MGMT: variants seen among roughly 807,000 people sequenced by gnomAD.
MGMT encodes the protein O-6-methylguanine-DNA methyltransferase.
MGMT carries 14 observed loss-of-function variants against 15.9 expected under a neutral mutation model. The ratio of observed to expected loss-of-function variants is 0.88; its 90% CI spans 0.58 to 1.37. MGMT has a LOEUF of 1.37. MGMT is among the 40% of genes most tolerant of loss of function. The pLI is 0.00. For synonymous variants in MGMT, 130 were observed against 118.2 expected (o/e 1.10, Z -0.65); for missense variants, 282 against 268.1 (o/e 1.05, Z -0.36).
At chr10:129,561,574 T>C (rs144976995) in intron 2 of MGMT, among the ~76,000 whole-genome samples, 3 of 152,216 alleles carry the variant, frequency 2.0e-5, no homozygotes, top group Non-Finnish European at 4.4e-5. Context: ...CAAGGTGATA[T>C]CTTGTCTGAT....
intron 2 of MGMT, among the ~76,000 whole-genome samples, chr10:129,623,928 ATC>A (rs1203419312): frequency 6.6e-6 from 1 of 152,242 alleles, no homozygotes; most frequent in African/African-American, 2.4e-5. Context: ...CCATTCTGCC[ATC>A]TCAGCCAAGG....
intron 1 of MGMT, among the ~76,000 whole-genome samples, chr10:129,524,377 G>A (rs1332017408): frequency 2.0e-5 from 3 of 152,128 alleles, no homozygotes; most frequent in Non-Finnish European, 2.9e-5. Context: ...TTTAGCCTGT[G>A]GACGTGTCTC....
chr10:129,699,946 A>G (rs1848077464), intron 2 of MGMT, among the ~76,000 whole-genome samples: 2 of 151,728 alleles, frequency 1.3e-5, no homozygotes, highest in African/African-American at 4.9e-5. Context: ...CTTGTACCAG[A>G]AAGTTTTAAA....
chr10:129,617,944 C>A (rs1291738103), intron 2 of MGMT, among the ~76,000 whole-genome samples: 2 of 150,988 alleles, frequency 1.3e-5, no homozygotes, highest in Non-Finnish European at 2.9e-5. Flanking sequence ...GAGTTTACCC[C>A]CTCCAGCCCA....
chr10:129,593,665 G>A (rs1316662257), intron 2 of MGMT, among the ~76,000 whole-genome samples: 1 of 152,228 alleles, frequency 6.6e-6, no homozygotes, highest in Non-Finnish European at 1.5e-5. Context: ...TGGCTGAGGC[G>A]TAAGTCTCAA....
At chr10:129,593,408 G>A (rs1846712719) in intron 2 of MGMT, among the ~76,000 whole-genome samples, 1 of 152,182 alleles carries the variant, frequency 6.6e-6, no homozygotes, top group South Asian at 2.1e-4. Flanking sequence ...CAGCTCTCTT[G>A]AGCACAGTGT....
chr10:129,574,208 G>C (rs945480001), intron 2 of MGMT, among the ~76,000 whole-genome samples: 2 of 152,088 alleles, frequency 1.3e-5, no homozygotes, highest in African/African-American at 4.8e-5. Flanking sequence ...TGACCTTTTG[G>C]GGAAAAAACT....
Position 129,467,312 on chromosome 10 carries a change from G to T in MGMT, c.-13+16G>T. On this transcript the variant is annotated intron_variant, in intron 1 of 4. Coordinates refer to ENST00000651593, the MANE Select transcript of MGMT (RefSeq NM_002412.5). ...TTGCGACTTGGTGAGTGTCTGGGTC[G>T]CCTCGCTCCCGGAAGAGTGCGGAGC... The T allele has an allele frequency of 3.3e-6, 5 of 1,534,568 alleles. No homozygotes were observed. The highest frequency in any genetic ancestry group is 4.4e-6 in the Non-Finnish European group (5 of 1,141,150).
intron 2 of MGMT, among the ~76,000 whole-genome samples, chr10:129,664,135 A>G (rs1177727139): frequency 1.3e-5 from 2 of 152,224 alleles, no homozygotes; most frequent in Non-Finnish European, 2.9e-5. Context: ...TTCTATGCCC[A>G]GGAATGCAAG....
chr10:129,499,332 C>T (rs532029549), intron 1 of MGMT, among the ~76,000 whole-genome samples: 1 of 152,166 alleles, frequency 6.6e-6, no homozygotes, highest in Non-Finnish European at 1.5e-5. Flanking sequence ...TTACTTATTT[C>T]GTTACTCAGC....
In MGMT at chr10:129,727,652, G is replaced by A. The variant is rs376110036; in HGVS notation, c.274+19609G>A. Among the ~76,000 whole-genome samples, 10 of 152,260 alleles carry A rather than the reference G, an allele frequency of 6.6e-5. No homozygotes were observed. In the East Asian group the frequency reaches 1.2e-3, roughly 18 times the overall value. ...TGTAAAGTACAGACTGTGAAGACCC[G>A]CCCTCTGTTCCTTCCAGCTGTTTTT... On this transcript the variant is annotated intron_variant, in intron 3 of 4. Coordinates refer to ENST00000651593, the MANE Select transcript of MGMT (RefSeq NM_002412.5).
At chr10:129,720,757 A>T (rs1848360652) in intron 3 of MGMT, among the ~76,000 whole-genome samples, 1 of 152,164 alleles carries the variant, frequency 6.6e-6, no homozygotes, top group South Asian at 2.1e-4. Context: ...TGTGACAATG[A>T]ACGAATGAAT....
At chr10:129,624,984 T>G (rs1205096031) in intron 2 of MGMT, among the ~76,000 whole-genome samples, 2 of 152,150 alleles carry the variant, frequency 1.3e-5, no homozygotes, top group Non-Finnish European at 2.9e-5. Flanking sequence ...AGAAATTATG[T>G]CCTTGGAAAG....
intron 1 of MGMT, 65 bp downstream of exon 1, chr10:129,467,361 T>C: frequency 1.4e-6 from 2 of 1,468,686 alleles, no homozygotes; most frequent in Admixed American, 4.7e-5. Flanking sequence ...GGTGGCAGCC[T>C]CGAGTGGTCC....
intron 3 of MGMT, among the ~76,000 whole-genome samples, chr10:129,724,708 TAAAAAC>T (rs1346883619): frequency 3.6e-4 from 55 of 152,140 alleles, no homozygotes; most frequent in Non-Finnish European, 6.2e-4. Context: ...AGATATATGA[TAAAAAC>T]AAATACAGGC....
At chr10:129,599,572 A>G (rs529443551) in intron 2 of MGMT, among the ~76,000 whole-genome samples, 7 of 152,134 alleles carry the variant, frequency 4.6e-5, no homozygotes, top group Non-Finnish European at 8.8e-5. Context: ...TATACAAAGC[A>G]TTTCCAACCA....
At position 129,536,473 on chromosome 10, in the gene MGMT, A is replaced by G; in HGVS notation, c.125+96A>G. 3 of 1,470,648 alleles carry G rather than the reference A, an allele frequency of 2.0e-6. No individual in the cohort carries two copies. The South Asian group carries it at 4.1e-5, about 20-fold the overall frequency. 91.1% of individuals were successfully genotyped at this position (1,470,648 alleles called of 1,614,324 possible). A position where few individuals can be genotyped will look rare whatever the true frequency, so the allele number is the denominator to read the frequency against. On this transcript the variant is annotated intron_variant, in intron 2 of 4. Coordinates refer to ENST00000651593, the MANE Select transcript of MGMT (RefSeq NM_002412.5). Reference sequence around the variant, plus strand: ...CATGTTTTCCATTGATGGCAGGGTAACGCATAGCCTTACCCCCACAACCGC... The same window carrying G: ...CATGTTTTCCATTGATGGCAGGGTAGCGCATAGCCTTACCCCCACAACCGC...
intron 2 of MGMT, among the ~76,000 whole-genome samples, chr10:129,676,576 CAT>C (rs1488767041): frequency 6.6e-6 from 1 of 152,184 alleles, no homozygotes; most frequent in East Asian, 1.9e-4. Flanking sequence ...CTGCACGTGA[CAT>C]GGAGCCTGCA....
chr10:129,486,172 CTTCTCTTT>C (rs749120240), intron 1 of MGMT, among the ~76,000 whole-genome samples: 12 of 133,556 alleles, frequency 9.0e-5, no homozygotes, highest in African/African-American at 3.1e-4. Flanking sequence ...GTTCTCTTCT[CTTCTCTTT>C]TTTTTTTTTT....
Sources: allele counts gnomAD v4.1 joint callset (sites outside exome capture counted in the v4.1 genomes callset), GRCh38; gene constraint gnomAD v4.1.1; transcripts MANE v1.5; gene names NCBI Gene and HGNC (gene_info 2026-07-23, HGNC 2026-07-21).